Variants in THBS4 observed in about 807,000 individuals in gnomAD.
THBS4 encodes thrombospondin-4.
Under a neutral mutation model 115.7 loss-of-function variants are expected in THBS4, and 90 were observed. That is an observed-to-expected ratio of 0.78 (90% CI 0.66 to 0.93). THBS4 has a LOEUF of 0.93. Ranked by LOEUF, THBS4 falls within the 40% of genes least tolerant of loss-of-function variation. The pLI is 0.00. For missense variants in THBS4, 1,087 were observed against 1,232.7 expected (o/e 0.88, Z 1.77); for synonymous variants, 460 against 479.3 (o/e 0.96, Z 0.53).
intron 2 of THBS4, among the ~76,000 whole-genome samples, chr5:80,054,847 G>C (rs1308645039): frequency 1.3e-5 from 2 of 152,126 alleles, no homozygotes; most frequent in African/African-American, 4.8e-5. Flanking sequence ...CACTCGATTT[G>C]ATGTGTGCTG....
chr5:80,079,300 C>T, intron 19 of THBS4, 42 bp downstream of exon 19: 1 of 1,528,772 alleles, frequency 6.5e-7, no homozygotes, highest in Non-Finnish European at 8.8e-7. Flanking sequence ...TTCTTCTGGA[C>T]CTCTCATCTT....
At chr5:80,028,451 CT>C (rs1030667137) in intron 2 of THBS4, among the ~76,000 whole-genome samples, 71 of 145,966 alleles carry the variant, frequency 4.9e-4, no homozygotes, top group Non-Finnish European at 5.0e-4. Context: ...CCGCACCATA[CT>C]TTTTTTTTTT....
intron 2 of THBS4, among the ~76,000 whole-genome samples, chr5:80,042,323 G>A (rs1580937601): frequency 6.6e-6 from 1 of 152,226 alleles, no homozygotes; most frequent in Admixed American, 6.5e-5. Flanking sequence ...AAAAATCACC[G>A]TTCTTCATCT....
intron 2 of THBS4, among the ~76,000 whole-genome samples, chr5:80,018,241 C>G (rs1470179280): frequency 6.6e-6 from 1 of 151,880 alleles, no homozygotes; most frequent in Non-Finnish European, 1.5e-5. Flanking sequence ...TTTGAAATCT[C>G]ATTTCTCTGT....
intron 16 of THBS4, among the ~76,000 whole-genome samples, chr5:80,077,533 G>C (rs1202755562): frequency 6.6e-6 from 1 of 152,236 alleles, no homozygotes; most frequent in Non-Finnish European, 1.5e-5. Flanking sequence ...GGGAGTGTTG[G>C]GGACTGAAGT....
intron 2 of THBS4, among the ~76,000 whole-genome samples, chr5:80,018,574 T>C (rs1832298492): frequency 6.6e-6 from 1 of 151,918 alleles, no homozygotes; most frequent in Non-Finnish European, 1.5e-5. Context: ...TTTGTACTTT[T>C]AGTAGAGATG....
chr5:79,996,984 G>A (rs543904863), intron 1 of THBS4, among the ~76,000 whole-genome samples: 1 of 149,602 alleles, frequency 6.7e-6, no homozygotes, highest in Admixed American at 6.7e-5. Context: ...GCCACTAAGA[G>A]AACTATACAA....
upstream of THBS4, among the ~76,000 whole-genome samples, chr5:80,033,714 C>T (rs1385740482): frequency 2.0e-5 from 3 of 152,212 alleles, no homozygotes; most frequent in Non-Finnish European, 4.4e-5. Flanking sequence ...CACAGGCATC[C>T]ACTAGGCTTG....
chr5:80,024,417 T>C (rs539958356), intron 2 of THBS4, among the ~76,000 whole-genome samples: 3 of 152,350 alleles, frequency 2.0e-5, no homozygotes, highest in South Asian at 4.1e-4. Context: ...AGCCATGATA[T>C]GTTACGCACC....
chr5:80,036,903 G>T (rs1832736474), intron 1 of THBS4, among the ~76,000 whole-genome samples: 1 of 152,154 alleles, frequency 6.6e-6, no homozygotes, highest in African/African-American at 2.4e-5. Context: ...CTCGCTGCTG[G>T]AATCACCCAT....
intron 3 of THBS4, 32 bp from the exon 4 acceptor site, chr5:80,058,174 G>A: frequency 1.3e-6 from 2 of 1,520,280 alleles, no homozygotes; most frequent in East Asian, 2.4e-5. Flanking sequence ...AACAGTGTCA[G>A]CAATCTGTGG....
rs405482 is a variant in THBS4 at position 80,056,036 on chromosome 5, G to A, written c.540+4G>A. ...GACTTTCCAGAGGAAGCCACAGGTA[G>A]GAACCCACAAACCATTCTCTGAAGT... On this transcript the variant is annotated splice_donor_region_variant and intron_variant, in intron 3 of 21. Transcript: ENST00000350881. 0.51 allele frequency: 814,626 copies of A among 1,590,106 alleles called. 210,191 individuals carry two copies. The highest frequency in any genetic ancestry group is 0.63 in the African/African-American group (46,793 of 74,024).
At chr5:79,993,973 G>C (rs1394137899) in intron 1 of THBS4, among the ~76,000 whole-genome samples, 1 of 152,188 alleles carries the variant, frequency 6.6e-6, no homozygotes. Flanking sequence ...GGAGAGCTGA[G>C]TTCTTGACTT....
rs17883985 is a variant in THBS4 at position 80,061,736 on chromosome 5, T to C, written c.1029T>C (p.Asn343=). The change falls in exon 8 of 22, where the codon AAT becomes AAC. Residue 343 remains asparagine, a synonymous_variant. Transcript: ENST00000350881. The part of the protein sequence containing the change: ...HPCYPGVHCI[N]LSPGFRCDAC... ...GCTACCCGGGCGTGCACTGCATAAATTTGTCTCCTGGCTTCAGATGTGACG... is the reference window on the plus strand; with the variant it reads ...GCTACCCGGGCGTGCACTGCATAAACTTGTCTCCTGGCTTCAGATGTGACG... 21 of 1,614,148 alleles carry C rather than the reference T, an allele frequency of 1.3e-5. No individual in the cohort carries two copies. In the African/African-American group the frequency reaches 1.9e-4, roughly 14 times the overall value.
intron 2 of THBS4, among the ~76,000 whole-genome samples, chr5:80,001,479 G>C (rs1420828423): frequency 2.6e-5 from 4 of 152,218 alleles, no homozygotes; most frequent in Non-Finnish European, 4.4e-5. Flanking sequence ...ACATGGAGGA[G>C]ATAAACACAG....
At chr5:80,053,587 T>G (rs1195981116) in intron 2 of THBS4, among the ~76,000 whole-genome samples, 1 of 150,352 alleles carries the variant, frequency 6.7e-6, no homozygotes, top group African/African-American at 2.4e-5. Context: ...CTTAACGCTT[T>G]CCCACCCTGG....
At chr5:80,035,014 G>A (rs962161516), upstream of THBS4, among the ~76,000 whole-genome samples, 1 of 152,028 alleles carries the variant, frequency 6.6e-6, no homozygotes, top group South Asian at 2.1e-4. The surrounding 1 kb of genome is among the most constrained non-coding windows in gnomAD (Gnocchi z 4.6). Flanking sequence ...AAAGCTAGTG[G>A]GTCAGTGTCA....
At chr5:80,032,568 G>A (rs1472663945), upstream of THBS4, among the ~76,000 whole-genome samples, 1 of 152,194 alleles carries the variant, frequency 6.6e-6, no homozygotes, top group Non-Finnish European at 1.5e-5. Flanking sequence ...AGCTGACAGT[G>A]CAACCTTTAG....
At chr5:80,068,180 C>T in intron 10 of THBS4, 55 bp downstream of exon 10, 1 of 1,596,614 alleles carries the variant, frequency 6.3e-7, no homozygotes, top group Non-Finnish European at 8.6e-7. Context: ...TTTAACACCA[C>T]CTCTCTCCAG....
Sources: gnomAD v4.1 joint callset for allele counts (sites outside exome capture counted in the v4.1 genomes callset) on GRCh38, gnomAD v4.1.1 for gene constraint, Gnocchi (gnomAD v3.1) non-coding constraint, MANE v1.5 for transcripts, NCBI Gene and HGNC (gene_info 2026-07-23, HGNC 2026-07-21) for gene names.